FYB1: variants seen among roughly 807,000 people sequenced by gnomAD.
FYB1 encodes FYN-binding protein 1.
A neutral mutation model predicts 94.1 loss-of-function variants in FYB1; 41 were observed. That is an observed-to-expected ratio of 0.44 (90% confidence interval 0.34 to 0.57). The LOEUF (loss-of-function observed/expected upper bound fraction) is 0.57. Ranked by LOEUF, FYB1 falls within the 20% of genes least tolerant of loss-of-function variation. FYB1 has a pLI of 0.02. For synonymous variants in FYB1, 367 were observed against 353.2 expected, an observed-to-expected ratio of 1.04 and a Z score of -0.44; for missense variants, 1,050 against 976.8, an observed-to-expected ratio of 1.07 and a Z score of -1.00.
At chr5:39,217,977 T>C (rs2150546245) in intron 1 of FYB1, among the ~76,000 whole-genome samples, 1 of 152,322 alleles carries the variant, frequency 6.6e-6, no homozygotes, top group African/African-American at 2.4e-5. Context: ...GTCAGTGTGA[T>C]TGCTCTATGA....
intron 16 of FYB1, among the ~76,000 whole-genome samples, chr5:39,113,548 ATG>A (rs1739261434): frequency 6.6e-6 from 1 of 152,148 alleles, no homozygotes; most frequent in Admixed American, 6.6e-5. Flanking sequence ...TACAGTGCAG[ATG>A]TGTCTCAGGA....
At chr5:39,108,370 A>T in intron 17 of FYB1, 108 bp from the exon 18 acceptor site, 1 of 989,188 alleles carries the variant, frequency 1.0e-6, no homozygotes. Context: ...CACAATTAAG[A>T]CTTTTAAGCA....
At chr5:39,132,834 A>G (rs555148171) in intron 9 of FYB1, among the ~76,000 whole-genome samples, 1 of 152,206 alleles carries the variant, frequency 6.6e-6, no homozygotes, top group Non-Finnish European at 1.5e-5. Context: ...ATACATTGGT[A>G]ATATGCTTGA....
intron 4 of FYB1, 72 bp from the exon 5 acceptor site, chr5:39,139,324 T>C: frequency 8.2e-7 from 1 of 1,213,680 alleles, no homozygotes. Context: ...TTATTGGATA[T>C]GATATAATAA....
intron 1 of FYB1, among the ~76,000 whole-genome samples, chr5:39,210,544 AT>A (rs1749269914): frequency 6.6e-6 from 1 of 152,148 alleles, no homozygotes. Context: ...CATCAGTTGG[AT>A]TTTTGTGTAC....
intron 2 of FYB1, among the ~76,000 whole-genome samples, chr5:39,182,504 C>T (rs1387123142): frequency 6.6e-6 from 1 of 152,126 alleles, no homozygotes; most frequent in Non-Finnish European, 1.5e-5. Context: ...TACATAAAGG[C>T]TTTCAAAAAG....
intron 2 of FYB1, among the ~76,000 whole-genome samples, chr5:39,187,202 G>GA (rs934963201): frequency 2.6e-5 from 4 of 152,048 alleles, no homozygotes; most frequent in African/African-American, 9.7e-5. Flanking sequence ...TGACACGCTT[G>GA]AAAAAAATGT....
Position 39,134,235 on chromosome 5 carries a change from T to A in FYB1, c.1790A>T (p.Asp597Val). Residue 597 changes from aspartate to valine, a missense_variant, in exon 9 of 19, where the codon GAT (aspartate) becomes GTT (valine). Transcript: ENST00000512982. The stretch of plus-strand genomic sequence containing the variant: ...GCTAATATCATCCTGCTCTGCAACA[T>A]CATCATATACTTCTTGGTCATCTTC... Reference protein sequence around the residue: ...PIEDDQEVYDDVAEQDDISSH... With the variant: ...PIEDDQEVYDVVAEQDDISSH... 1 of 1,612,108 alleles carries A rather than the reference T, an allele frequency of 6.2e-7. No homozygotes were observed. Among genetic ancestry groups the A allele is most frequent in the South Asian group, 1.1e-5 (1 of 91,000 alleles).
intron 1 of FYB1, among the ~76,000 whole-genome samples, chr5:39,268,240 CTTT>C (rs112656513): frequency 2.1e-5 from 3 of 140,976 alleles, no homozygotes; most frequent in Non-Finnish European, 1.6e-5. Context: ...TTCTTTTTTT[CTTT>C]TTTTTTTTTT....
Position 39,131,977 on chromosome 5 carries a change from G to T in FYB1, c.1818-1365C>A, listed in dbSNP as rs377094992. Reference sequence around the variant, plus strand: ...AGCAGGATGTGACAGGAGACGAGAGGGAGAGAGAGAGATACATGGAAGGAA... The same window carrying T: ...AGCAGGATGTGACAGGAGACGAGAGTGAGAGAGAGAGATACATGGAAGGAA... On this transcript the variant is annotated intron_variant, in intron 9 of 18. Coordinates refer to ENST00000512982, the MANE Select transcript of FYB1 (RefSeq NM_001465.6). Among the ~76,000 whole-genome samples the T allele has an allele frequency of 3.9e-5, 6 of 152,222 alleles. No individual in the cohort carries two copies. The East Asian group carries it at 7.7e-4, about 20-fold the overall frequency.
At chr5:39,229,185 C>A (rs2150567698) in intron 1 of FYB1, among the ~76,000 whole-genome samples, 1 of 152,238 alleles carries the variant, frequency 6.6e-6, no homozygotes, top group Non-Finnish European at 1.5e-5. Context: ...TTTTAGAAGA[C>A]AGGGGCTGAT....
intron 1 of FYB1, among the ~76,000 whole-genome samples, chr5:39,216,086 C>T (rs1749845635): frequency 6.6e-6 from 1 of 152,114 alleles, no homozygotes; most frequent in Non-Finnish European, 1.5e-5. Flanking sequence ...TCCCCTAGAG[C>T]CTCCAGAGGG....
intron 1 of FYB1, among the ~76,000 whole-genome samples, chr5:39,218,995 G>T (rs1043982917): frequency 6.6e-6 from 1 of 152,208 alleles, no homozygotes; most frequent in East Asian, 1.9e-4. Flanking sequence ...CTCACCTCCT[G>T]CCAGGTTTGG....
At chr5:39,151,796 A>C (rs1473518581) in intron 3 of FYB1, among the ~76,000 whole-genome samples, 2 of 152,240 alleles carry the variant, frequency 1.3e-5, no homozygotes, top group East Asian at 1.9e-4. Flanking sequence ...GCAGGTTGGC[A>C]GAGGGAATGT....
chr5:39,127,871 A>T, intron 10 of FYB1, 64 bp from the exon 11 acceptor site: 1 of 1,460,336 alleles, frequency 6.8e-7, no homozygotes, highest in Non-Finnish European at 9.2e-7. Context: ...ATGCTCACTC[A>T]GATTTTAATT....
intron 3 of FYB1, among the ~76,000 whole-genome samples, chr5:39,152,658 C>T (rs1467974094): frequency 6.6e-6 from 1 of 152,118 alleles, no homozygotes; most frequent in African/African-American, 2.4e-5. Flanking sequence ...TCGCTTTTTC[C>T]TTTACCAACT....
chr5:39,209,805 TG>T (rs1479825978), intron 1 of FYB1, among the ~76,000 whole-genome samples: 1 of 152,244 alleles, frequency 6.6e-6, no homozygotes, highest in East Asian at 1.9e-4. Context: ...TTGAACGTAC[TG>T]GCTGATGGAC....
At chr5:39,144,528 G>A (rs1425901638) in intron 3 of FYB1, among the ~76,000 whole-genome samples, 1 of 152,190 alleles carries the variant, frequency 6.6e-6, no homozygotes, top group Non-Finnish European at 1.5e-5. Flanking sequence ...CAGGCTGGGC[G>A]CAGTGGCTCA....
At chr5:39,109,100 G>T (rs545232610) in intron 17 of FYB1, among the ~76,000 whole-genome samples, 1 of 152,172 alleles carries the variant, frequency 6.6e-6, no homozygotes, top group Admixed American at 6.6e-5. Flanking sequence ...GGGTGGCTTT[G>T]TCACTTAGAC....
Sources: allele counts gnomAD v4.1 joint callset (sites outside exome capture counted in the v4.1 genomes callset), GRCh38; gene constraint gnomAD v4.1.1; transcripts MANE v1.5; gene names NCBI Gene and HGNC (gene_info 2026-07-23, HGNC 2026-07-21).